Variants in CDH12 observed in about 807,000 individuals in gnomAD.
CDH12 encodes the protein cadherin-12.
A neutral mutation model predicts 74.1 loss-of-function variants in CDH12; 41 were observed. The ratio of observed to expected loss-of-function variants is 0.55; its 90% CI spans 0.43 to 0.72. The LOEUF is 0.72. CDH12 is among the 30% of genes least tolerant of loss of function. The probability of loss-of-function intolerance (pLI) is 0.00; values close to 1 mark genes in which losing one functional copy is unlikely to be tolerated. For missense variants in CDH12, 945 were observed against 977.2 expected (o/e 0.97, Z 0.44); for synonymous variants, 399 against 355.0 (o/e 1.12, Z -1.39).
chr5:22,712,283 C>A (rs1468695391), intron 1 of CDH12, among the ~76,000 whole-genome samples: 2 of 151,980 alleles, frequency 1.3e-5, no homozygotes, highest in East Asian at 1.9e-4. Flanking sequence ...AAAAAGTGAT[C>A]TCAAACACTT....
intron 6 of CDH12, among the ~76,000 whole-genome samples, chr5:21,875,878 C>A (rs1461294585): frequency 2.0e-5 from 3 of 147,376 alleles, no homozygotes; most frequent in Non-Finnish European, 4.5e-5. Context: ...CTTACGTTTA[C>A]CTTTCTTCTT....
intron 1 of CDH12, among the ~76,000 whole-genome samples, chr5:22,647,200 G>T (rs978687009): frequency 6.6e-6 from 1 of 151,584 alleles, no homozygotes; most frequent in African/African-American, 2.4e-5. Flanking sequence ...CTTTGGACAA[G>T]TTAGTTGTCT....
chr5:21,833,203 TATTATAA>T (rs1442987466), intron 8 of CDH12, among the ~76,000 whole-genome samples: 1 of 22,190 alleles, frequency 4.5e-5, no homozygotes, highest in African/African-American at 4.3e-4. Flanking sequence ...ATAATATATA[TATTATAA>T]TATATATTAT....
At chr5:21,984,626 G>C (rs1382583051) in intron 5 of CDH12, among the ~76,000 whole-genome samples, 1 of 152,144 alleles carries the variant, frequency 6.6e-6, no homozygotes, top group African/African-American at 2.4e-5. Flanking sequence ...CCTCCCATCA[G>C]AATTACGGGT....
rs199965622 is a variant in CDH12 at position 22,295,222 on chromosome 5, C to CT, written c.-332-82580dup. Among the ~76,000 whole-genome samples, 1,485 of 151,830 alleles carry CT rather than the reference C, an allele frequency of 9.8e-3. 17 individuals are homozygous for CT. The highest frequency in any genetic ancestry group is 0.014 in the Non-Finnish European group (983 of 67,896). On this transcript the variant is annotated intron_variant, in intron 3 of 14. Transcript: ENST00000382254. Reference sequence around the variant, plus strand: ...ATCTGGTGCAACTTTAATTTCTTTTCTTTTTTTTAATGAGTAATATATTGC... The same window carrying CT: ...ATCTGGTGCAACTTTAATTTCTTTTCTTTTTTTTTAATGAGTAATATATTGC...
intron 6 of CDH12, among the ~76,000 whole-genome samples, chr5:21,963,036 G>A (rs2355284): frequency 2.9e-4 from 44 of 152,060 alleles, no homozygotes; most frequent in Non-Finnish European, 5.0e-4. Context: ...AATTTCAGCC[G>A]CTTCAGCAGC....
intron 1 of CDH12, among the ~76,000 whole-genome samples, chr5:22,655,358 G>A (rs1039697150): frequency 5.3e-5 from 8 of 151,924 alleles, no homozygotes; most frequent in African/African-American, 9.7e-5. Context: ...AAGAAGCTTC[G>A]GTGTCCTCCT....
chr5:22,274,698 T>C (rs548835265), intron 3 of CDH12, among the ~76,000 whole-genome samples: 1 of 152,232 alleles, frequency 6.6e-6, no homozygotes, highest in East Asian at 1.9e-4. Context: ...ATATATATGA[T>C]GAACTATAAA....
At chr5:22,727,278 T>C (rs1744208698) in intron 1 of CDH12, among the ~76,000 whole-genome samples, 1 of 151,826 alleles carries the variant, frequency 6.6e-6, no homozygotes, top group South Asian at 2.1e-4. Context: ...ATTTCTTACA[T>C]ATTTGACTGT....
At chr5:22,122,779 G>A (rs1039816195) in intron 4 of CDH12, among the ~76,000 whole-genome samples, 1 of 152,216 alleles carries the variant, frequency 6.6e-6, no homozygotes, top group African/African-American at 2.4e-5. Context: ...AAAAACCTGA[G>A]AAAGAAGACT....
chr5:22,105,060 G>A (rs114804812), intron 4 of CDH12, among the ~76,000 whole-genome samples: 1,814 of 151,738 alleles, frequency 0.012, 29 homozygotes, highest in African/African-American at 0.042. Context: ...CTTTCCCTGC[G>A]CGTATGTCTG....
chr5:22,657,394 T>C (rs1580858280), intron 1 of CDH12, among the ~76,000 whole-genome samples: 1 of 152,256 alleles, frequency 6.6e-6, no homozygotes, highest in Non-Finnish European at 1.5e-5. Flanking sequence ...TTATTATTTA[T>C]AAATTAAACT....
chr5:22,554,414 G>A (rs1738709098), intron 1 of CDH12, among the ~76,000 whole-genome samples: 1 of 152,052 alleles, frequency 6.6e-6, no homozygotes, highest in African/African-American at 2.4e-5. Context: ...AGGACAGTGA[G>A]TATATGAGAA....
intron 1 of CDH12, among the ~76,000 whole-genome samples, chr5:22,627,010 T>C (rs998305048): frequency 1.3e-5 from 2 of 152,152 alleles, no homozygotes; most frequent in Admixed American, 1.3e-4. Flanking sequence ...TCTTGGAGCT[T>C]AGACACTGGT....
intron 1 of CDH12, among the ~76,000 whole-genome samples, chr5:22,628,246 A>T (rs1232411868): frequency 6.6e-6 from 1 of 152,120 alleles, no homozygotes; most frequent in East Asian, 1.9e-4. Context: ...TTGACCATAT[A>T]GACCTAACAG....
chr5:22,726,297 T>A (rs1744160688), intron 1 of CDH12, among the ~76,000 whole-genome samples: 1 of 151,842 alleles, frequency 6.6e-6, no homozygotes, highest in Admixed American at 6.6e-5. Flanking sequence ...TTATATGTTA[T>A]ATGGCCTTTT....
intron 1 of CDH12, among the ~76,000 whole-genome samples, chr5:22,718,289 C>T (rs191310365): frequency 1.8e-4 from 27 of 152,246 alleles, no homozygotes; most frequent in Non-Finnish European, 2.6e-4. Context: ...CTCTTTCCAT[C>T]CACCCCCACT....
intron 3 of CDH12, among the ~76,000 whole-genome samples, chr5:22,387,434 G>A (rs1742046684): frequency 6.6e-6 from 1 of 152,014 alleles, no homozygotes; most frequent in African/African-American, 2.4e-5. Flanking sequence ...ATTTACTCCT[G>A]GTGTCTTTTA....
chr5:21,786,842 A>T (rs1397958943), intron 10 of CDH12, among the ~76,000 whole-genome samples: 1 of 152,176 alleles, frequency 6.6e-6, no homozygotes, highest in Non-Finnish European at 1.5e-5. Context: ...GGATTTTGGA[A>T]GAAGTTATTC....
Sources: allele counts gnomAD v4.1 joint callset (sites outside exome capture counted in the v4.1 genomes callset), GRCh38; gene constraint gnomAD v4.1.1; transcripts MANE v1.5; gene names NCBI Gene and HGNC (gene_info 2026-07-23, HGNC 2026-07-21).